The following ARV1 variants were observed in gnomAD, a reference collection of about 807,000 sequenced individuals.
The protein encoded by ARV1 is protein ARV1.
In ARV1, 26 loss-of-function variants were observed where a neutral mutation model predicts 31.1. The observed-to-expected ratio is 0.84, with a 90% CI of 0.61 to 1.16. The LOEUF (loss-of-function observed/expected upper bound fraction) is 1.16, where lower values mean the gene tolerates loss of function less well. Ranked by LOEUF, ARV1 falls within the 50% of genes most tolerant of loss-of-function variation. The probability of loss-of-function intolerance (pLI) is 0.00; values close to 1 mark genes in which losing one functional copy is unlikely to be tolerated. For missense variants in ARV1, 281 were observed against 324.9 expected, an observed-to-expected ratio of 0.86 and a Z score of 1.04; for synonymous variants, 117 against 123.2, an observed-to-expected ratio of 0.95 and a Z score of 0.34.
At chr1:230,994,004 G>T (rs751535981) in intron 3 of ARV1, among the ~76,000 whole-genome samples, 4 of 152,178 alleles carry the variant, frequency 2.6e-5, no homozygotes, top group Non-Finnish European at 5.9e-5. Flanking sequence ...GTAGGTTAGG[G>T]GTTCCCCCAT....
intron 1 of ARV1, among the ~76,000 whole-genome samples, chr1:230,987,300 C>T (rs1458018580): frequency 1.3e-5 from 2 of 152,158 alleles, no homozygotes; most frequent in African/African-American, 2.4e-5. Flanking sequence ...TGGATTTTTC[C>T]ATTTCATATT....
At chr1:230,981,943 C>G (rs145543082) in intron 1 of ARV1, among the ~76,000 whole-genome samples, 5 of 152,348 alleles carry the variant, frequency 3.3e-5, no homozygotes, top group African/African-American at 1.2e-4. Flanking sequence ...CTTCAAACAT[C>G]TCAGAGAGTC....
At chr1:230,998,580 C>G (rs891415314) in intron 5 of ARV1, among the ~76,000 whole-genome samples, 2 of 152,094 alleles carry the variant, frequency 1.3e-5, no homozygotes, top group African/African-American at 4.8e-5. Flanking sequence ...AACATACTTT[C>G]ACCCAGAGTC....
intron 3 of ARV1, among the ~76,000 whole-genome samples, chr1:230,993,257 A>G (rs1024215001): frequency 3.3e-5 from 5 of 152,024 alleles, no homozygotes; most frequent in Non-Finnish European, 7.4e-5. Context: ...TGCCTGGCTA[A>G]TTTAAAAAAA....
At chr1:230,999,779 A>C (rs1330104432) in intron 5 of ARV1, 2 of 152,214 alleles carry the variant, frequency 1.3e-5, no homozygotes, top group Non-Finnish European at 2.9e-5. Flanking sequence ...CACGTGCCCA[A>C]GAACTTCTGA....
At chr1:230,986,350 C>T (rs1208905284) in intron 1 of ARV1, among the ~76,000 whole-genome samples, 12 of 152,186 alleles carry the variant, frequency 7.9e-5, no homozygotes, top group Non-Finnish European at 1.5e-5. Flanking sequence ...ATTGGGAACA[C>T]ATCCAATGTT....
At chr1:230,984,333 T>C (rs1678989360) in intron 1 of ARV1, among the ~76,000 whole-genome samples, 1 of 149,398 alleles carries the variant, frequency 6.7e-6, no homozygotes, top group African/African-American at 2.5e-5. Flanking sequence ...ATGTCTACAT[T>C]TGTTTGTTTC....
intron 1 of ARV1, among the ~76,000 whole-genome samples, chr1:230,983,279 G>C (rs2103043177): frequency 6.6e-6 from 1 of 152,068 alleles, no homozygotes; most frequent in East Asian, 1.9e-4. Flanking sequence ...AGGCGTGGTG[G>C]CGCACTCTTG....
intron 5 of ARV1, among the ~76,000 whole-genome samples, chr1:230,998,166 C>A (rs1679424740): frequency 6.6e-6 from 1 of 152,190 alleles, no homozygotes; most frequent in African/African-American, 2.4e-5. Context: ...CACAGCCAGA[C>A]TGTGGATGGC....
At position 230,996,533 on chromosome 1, in the gene ARV1, A is replaced by T. The variant is rs141970969; in HGVS notation, c.673+549A>T. Among the ~76,000 whole-genome samples the T allele has an allele frequency of 2.8e-3, 420 of 152,190 alleles. 2 individuals are homozygous for T. Among genetic ancestry groups the T allele is most frequent in the African/African-American group, 9.8e-3 (407 of 41,514 alleles). On this transcript the variant is annotated intron_variant, in intron 4 of 5. Coordinates refer to ENST00000310256, the MANE Select transcript of ARV1 (RefSeq NM_022786.3). ...GTGATCAGAACTCACTACAGCCTCT[A>T]CTTCCTGAGGTCAAGTGATCCTCCC...
At chr1:230,987,211 G>C (rs1679107221) in intron 1 of ARV1, among the ~76,000 whole-genome samples, 1 of 152,136 alleles carries the variant, frequency 6.6e-6, no homozygotes, top group African/African-American at 2.4e-5. Context: ...CTGCAACGTG[G>C]ACACGCTAGA....
At position 230,988,388 on chromosome 1, in the gene ARV1, A is replaced by G. The variant is rs1170363995; in HGVS notation, c.243A>G (p.Ile81Met). Residue 81 changes from isoleucine to methionine, a missense_variant, in exon 2 of 6, where the codon ATA becomes ATG. Coordinates refer to ENST00000310256, the MANE Select transcript of ARV1 (RefSeq NM_022786.3). ...YDPVIILINA[I>M]LCKAQAYRHI... ...CTGTTATCATCTTGATTAATGCTAT[A>G]TTGTGCAAAGCTCAGGCCTACAGAC... The G allele has an allele frequency of 2.5e-6, 4 of 1,598,382 alleles. No homozygotes were observed. The highest frequency in any genetic ancestry group is 1.1e-5 in the South Asian group (1 of 89,842).
intron 3 of ARV1, among the ~76,000 whole-genome samples, chr1:230,991,631 C>CTTTT (rs35843547): frequency 4.5e-5 from 6 of 133,018 alleles, no homozygotes; most frequent in East Asian, 2.2e-4. Context: ...AGTACTTCTA[C>CTTTT]TTTTTTTTTT....
At chr1:230,994,627 C>T (rs1318243231) in intron 3 of ARV1, among the ~76,000 whole-genome samples, 1 of 151,660 alleles carries the variant, frequency 6.6e-6, no homozygotes, top group Non-Finnish European at 1.5e-5. Context: ...CTGCAAGCTC[C>T]GCCTCCCGGG....
chr1:230,996,048 T>G, intron 4 of ARV1, 64 bp downstream of exon 4: 1 of 1,391,330 alleles, frequency 7.2e-7, no homozygotes, highest in Non-Finnish European at 9.9e-7. Context: ...AAGCCTTGTT[T>G]CTGGGGTGCA....
intron 4 of ARV1, among the ~76,000 whole-genome samples, chr1:230,996,670 G>A (rs1006120361): frequency 1.3e-5 from 2 of 152,114 alleles, no homozygotes; most frequent in South Asian, 2.1e-4. Context: ...TCCTGGGCTC[G>A]AGCAGTCTGT....
intron 2 of ARV1, among the ~76,000 whole-genome samples, chr1:230,989,284 C>T (rs775447971): frequency 4.6e-5 from 7 of 151,992 alleles, no homozygotes; most frequent in Admixed American, 3.3e-4. Context: ...ATTACAGGCA[C>T]GCATCACCAA....
At chr1:230,984,393 T>C (rs1206246088) in intron 1 of ARV1, among the ~76,000 whole-genome samples, 3 of 150,988 alleles carry the variant, frequency 2.0e-5, no homozygotes, top group South Asian at 2.1e-4. Flanking sequence ...TGTGTGTGTG[T>C]GTGTGTGTAG....
At chr1:230,984,198 C>A (rs909299913) in intron 1 of ARV1, among the ~76,000 whole-genome samples, 14 of 152,100 alleles carry the variant, frequency 9.2e-5, no homozygotes, top group African/African-American at 3.4e-4. Context: ...TGTAGTGGGA[C>A]AAGATCCTGC....
Sources: gnomAD v4.1 joint callset for allele counts (sites outside exome capture counted in the v4.1 genomes callset) on GRCh38, gnomAD v4.1.1 for gene constraint, MANE v1.5 for transcripts, NCBI Gene and HGNC (gene_info 2026-07-23, HGNC 2026-07-21) for gene names.